The following MYO3B variants were observed in gnomAD, a reference collection of about 807,000 sequenced individuals.
MYO3B encodes the protein myosin IIIB.
Under a neutral mutation model 174.6 loss-of-function variants are expected in MYO3B, and 156 were observed. The ratio of observed to expected loss-of-function variants is 0.89; its 90% CI spans 0.78 to 1.02. The LOEUF (loss-of-function observed/expected upper bound fraction) is 1.02. MYO3B is among the 50% of genes least tolerant of loss of function. The pLI, the probability that MYO3B is intolerant of heterozygous loss-of-function variation, is 0.00. For missense variants in MYO3B, 1,632 were observed against 1,639.4 expected (o/e 1.00, Z 0.08); for synonymous variants, 563 against 569.1 (o/e 0.99, Z 0.15).
At chr2:170,283,280 T>G (rs1430450436) in intron 7 of MYO3B, among the ~76,000 whole-genome samples, 1 of 152,176 alleles carries the variant, frequency 6.6e-6, no homozygotes, top group Admixed American at 6.6e-5. Context: ...TGTGGACTGC[T>G]GGAGATCCCT....
At chr2:170,463,012 C>T (rs972634679) in intron 23 of MYO3B, among the ~76,000 whole-genome samples, 2 of 152,224 alleles carry the variant, frequency 1.3e-5, no homozygotes, top group Non-Finnish European at 2.9e-5. Context: ...TCTTTATAAT[C>T]ATTTCGCCTC....
chr2:170,484,277 A>G (rs545040443), intron 25 of MYO3B, among the ~76,000 whole-genome samples: 1 of 152,346 alleles, frequency 6.6e-6, no homozygotes, highest in South Asian at 2.1e-4. Flanking sequence ...CACAGAGAGT[A>G]TGTGGATGAT....
chr2:170,530,895 G>C (rs4668271), intron 30 of MYO3B, among the ~76,000 whole-genome samples: 26,492 of 152,206 alleles, frequency 0.17, 2,799 homozygotes, highest in Non-Finnish European at 0.24. Context: ...AGGGCAAACA[G>C]TGGAAGCCAC....
At chr2:170,435,365 A>C (rs924200434) in intron 22 of MYO3B, among the ~76,000 whole-genome samples, 3 of 152,174 alleles carry the variant, frequency 2.0e-5, no homozygotes, top group Admixed American at 6.5e-5. Context: ...AATCATAGGT[A>C]ATGAACTGTC....
intron 32 of MYO3B, among the ~76,000 whole-genome samples, chr2:170,594,410 A>G (rs1261861356): frequency 6.6e-6 from 1 of 152,178 alleles, no homozygotes; most frequent in Non-Finnish European, 1.5e-5. Flanking sequence ...GAGACAGAAG[A>G]TACAGGTTAC....
chr2:170,589,687 T>C (rs1316353908), intron 32 of MYO3B, among the ~76,000 whole-genome samples: 6 of 152,290 alleles, frequency 3.9e-5, no homozygotes, highest in Middle Eastern at 3.4e-3. Flanking sequence ...ATTTAGAAAA[T>C]TTAAGTTTAT....
chr2:170,511,357 C>T (rs866604189), intron 28 of MYO3B, among the ~76,000 whole-genome samples: 2 of 151,892 alleles, frequency 1.3e-5, no homozygotes, highest in East Asian at 1.9e-4. Context: ...TGAGCCACCG[C>T]GCCCAGCCTT....
intron 28 of MYO3B, among the ~76,000 whole-genome samples, chr2:170,508,944 C>T (rs960636370): frequency 2.6e-5 from 4 of 152,194 alleles, no homozygotes; most frequent in Non-Finnish European, 4.4e-5. Context: ...GTACCTGGCT[C>T]ATGGTACGTA....
rs143305811 is a variant in MYO3B at position 170,456,958 on chromosome 2, G to A, written c.2731-6410G>A. 1.3e-4 allele frequency among the ~76,000 whole-genome samples: 20 copies of A among 152,284 alleles called. No homozygotes were observed. In the East Asian group the frequency reaches 3.7e-3, roughly 28 times the overall value. On this transcript the variant is annotated intron_variant, in intron 23 of 34. Coordinates refer to ENST00000408978, the MANE Select transcript of MYO3B (RefSeq NM_138995.5). ...CCTAGGCTATAAGCTATCGCCTTTCGCTGTGAGACTACAAACCTGTATAGC... is the reference window on the plus strand; with the variant it reads ...CCTAGGCTATAAGCTATCGCCTTTCACTGTGAGACTACAAACCTGTATAGC...
At chr2:170,380,957 A>C (rs935209939) in intron 9 of MYO3B, among the ~76,000 whole-genome samples, 1 of 152,146 alleles carries the variant, frequency 6.6e-6, no homozygotes, top group African/African-American at 2.4e-5. Context: ...CTCTACAAAA[A>C]ATAATTTTAA....
rs1409241873 is a variant in MYO3B, at chr2:170,499,724, G to T, written c.3205G>T (p.Ala1069Ser). ...CATAGGCAGAGTGGTTGTGCTGCAG[G>T]CATATACCAAGGGGTGGCTTGGAGC... ...EVIGRVVVLQ[A>S]YTKGWLGARR... The change falls in exon 27 of 35, where the codon GCA becomes TCA. Residue 1069 changes from alanine (A) to serine (S), a missense_variant. Coordinates refer to ENST00000408978, the MANE Select transcript of MYO3B (RefSeq NM_138995.5). 6.2e-7 allele frequency: 1 copy of T among 1,614,066 alleles called. No homozygotes were observed. Among genetic ancestry groups the T allele is most frequent in the East Asian group, 2.2e-5 (1 of 44,876 alleles).
chr2:170,544,410 G>A (rs1393634058), intron 32 of MYO3B, among the ~76,000 whole-genome samples: 1 of 152,140 alleles, frequency 6.6e-6, no homozygotes, highest in Non-Finnish European at 1.5e-5. Flanking sequence ...AAATGCCTTT[G>A]GGACACAACT....
chr2:170,258,886 A>G (rs543732447), intron 7 of MYO3B, among the ~76,000 whole-genome samples: 6 of 152,174 alleles, frequency 3.9e-5, no homozygotes, highest in Non-Finnish European at 8.8e-5. Flanking sequence ...ATACAAAATT[A>G]TCGTACAAAA....
intron 3 of MYO3B, among the ~76,000 whole-genome samples, chr2:170,208,911 C>A (rs1054330694): frequency 1.3e-5 from 2 of 152,194 alleles, no homozygotes; most frequent in African/African-American, 2.4e-5. Context: ...CTGAGCACAG[C>A]CATGGGTTTG....
intron 32 of MYO3B, among the ~76,000 whole-genome samples, chr2:170,629,263 C>T (rs1696733215): frequency 6.6e-6 from 1 of 152,168 alleles, no homozygotes; most frequent in South Asian, 2.1e-4. Context: ...TGCCAGCCAC[C>T]CTGATTACCC....
At position 170,655,023 on chromosome 2, in the gene MYO3B, T is replaced by C. The variant is rs1333821512; in HGVS notation, c.*1902T>C. On this transcript the variant is annotated 3_prime_UTR_variant, in exon 35 of 35. Transcript: ENST00000408978. ...TTCACTTTTGTCACTGATTGTCTAC[T>C]TTTGGTTTGATAATATGAGCTGCTT... 3 of 152,212 alleles carry C rather than the reference T, an allele frequency of 2.0e-5. No individual in the cohort carries two copies. The highest frequency in any genetic ancestry group is 2.9e-5 in the Non-Finnish European group (2 of 68,032). 9.4% of individuals were successfully genotyped at this position (152,212 alleles called of 1,614,324 possible).
intron 25 of MYO3B, among the ~76,000 whole-genome samples, chr2:170,467,420 C>T (rs1684711275): frequency 6.6e-6 from 1 of 151,974 alleles, no homozygotes; most frequent in African/African-American, 2.4e-5. Flanking sequence ...CCAGAAAGTG[C>T]CTTTGCCTAA....
chr2:170,282,807 G>A (rs941882753), intron 7 of MYO3B, among the ~76,000 whole-genome samples: 1 of 152,108 alleles, frequency 6.6e-6, no homozygotes, highest in African/African-American at 2.4e-5. Flanking sequence ...TAAAGTGCAT[G>A]CAAACACAGA....
In MYO3B at chr2:170,377,173, T is replaced by G. The variant is rs370045166; in HGVS notation, c.972-4843T>G. On this transcript the variant is annotated intron_variant, in intron 9 of 34. Coordinates refer to ENST00000408978, the MANE Select transcript of MYO3B (RefSeq NM_138995.5). The stretch of plus-strand genomic sequence containing the variant: ...ACAAAGAAGCTAGCAGGCCCAGTGA[T>G]GAGATATTAGAGAACAATGACACAG... 7.4e-4 allele frequency among the ~76,000 whole-genome samples: 112 copies of G among 152,354 alleles called. 2 individuals carry two copies. The South Asian group carries it at 0.023, about 31-fold the overall frequency.
Sources: gnomAD v4.1 joint callset for allele counts (sites outside exome capture counted in the v4.1 genomes callset) on GRCh38, gnomAD v4.1.1 for gene constraint, MANE v1.5 for transcripts, NCBI Gene and HGNC (gene_info 2026-07-23, HGNC 2026-07-21) for gene names.